The following SORBS2 variants were observed in gnomAD, a reference collection of about 807,000 sequenced individuals.
SORBS2 encodes sorbin and SH3 domain-containing protein 2.
SORBS2 carries 46 observed loss-of-function variants against 97.7 expected under a neutral mutation model. The observed-to-expected ratio is 0.47, with a 90% CI of 0.37 to 0.60. The LOEUF (loss-of-function observed/expected upper bound fraction) is 0.60, where lower values mean the gene tolerates loss of function less well. SORBS2 is among the 20% of genes least tolerant of loss of function. The probability of loss-of-function intolerance (pLI) is 0.00; values close to 1 mark genes in which losing one functional copy is unlikely to be tolerated. For missense variants in SORBS2, 1,316 were observed against 1,282.3 expected, an observed-to-expected ratio of 1.03 and a Z score of -0.40; for synonymous variants, 476 against 473.4, an observed-to-expected ratio of 1.01 and a Z score of -0.07.
At chr4:185,614,313 A>G (rs1489635440) in intron 11 of SORBS2, among the ~76,000 whole-genome samples, 1 of 151,802 alleles carries the variant, frequency 6.6e-6, no homozygotes, top group East Asian at 1.9e-4. Context: ...CTGCTAGAGA[A>G]ATTTGGGTCA....
intron 1 of SORBS2, among the ~76,000 whole-genome samples, chr4:185,925,403 T>C (rs1217675266): frequency 1.4e-5 from 2 of 144,608 alleles, no homozygotes; most frequent in Non-Finnish European, 3.2e-5. Context: ...TTTTACAAAA[T>C]AGCACATTTT....
At chr4:185,947,294 A>G (rs1175734869) in intron 1 of SORBS2, among the ~76,000 whole-genome samples, 1 of 152,238 alleles carries the variant, frequency 6.6e-6, no homozygotes, top group Non-Finnish European at 1.5e-5. Flanking sequence ...CAATGAGTTT[A>G]GCAGGGAACG....
At chr4:185,886,399 C>CA (rs1435134275) in intron 1 of SORBS2, among the ~76,000 whole-genome samples, 2 of 151,548 alleles carry the variant, frequency 1.3e-5, no homozygotes, top group African/African-American at 4.8e-5. Context: ...ACTAAAAATA[C>CA]AAAAAATTAG....
At chr4:185,749,384 C>T (rs1353735304) in intron 2 of SORBS2, among the ~76,000 whole-genome samples, 1 of 152,204 alleles carries the variant, frequency 6.6e-6, no homozygotes, top group Non-Finnish European at 1.5e-5. Flanking sequence ...TTCCTGCCTT[C>T]TTGATATCCC....
At chr4:185,847,979 A>C (rs1267475594) in intron 1 of SORBS2, among the ~76,000 whole-genome samples, 1 of 152,126 alleles carries the variant, frequency 6.6e-6, no homozygotes. Flanking sequence ...ACCTGGCCTG[A>C]ATTGTGGGAT....
chr4:185,665,884 C>T lies in SORBS2; in HGVS notation c.-45-3642G>A, dbSNP rs575636496. 123 of 1,186,808 alleles carry T rather than the reference C, an allele frequency of 1.0e-4. No homozygotes were observed. The African/African-American group carries it at 1.6e-3, about 16-fold the overall frequency. 73.5% of individuals were successfully genotyped at this position (1,186,808 alleles called of 1,614,324 possible). On this transcript the variant is annotated intron_variant, in intron 4 of 20. Coordinates refer to the SORBS2 transcript ENST00000284776. ...GGCTGTGGAGGACTCACTCTCCGAGCGGGAGGAGTGCTCGGCCAGGGAGGA... is the reference window on the plus strand; with the variant it reads ...GGCTGTGGAGGACTCACTCTCCGAGTGGGAGGAGTGCTCGGCCAGGGAGGA...
intron 1 of SORBS2, among the ~76,000 whole-genome samples, chr4:185,950,207 G>A (rs1226161801): frequency 6.6e-6 from 1 of 151,090 alleles, no homozygotes; most frequent in Non-Finnish European, 1.5e-5. Context: ...AGCCGAGATT[G>A]TGCCATTGCA....
chr4:185,825,773 C>T (rs78821119), intron 1 of SORBS2, among the ~76,000 whole-genome samples: 2,310 of 152,274 alleles, frequency 0.015, 31 homozygotes, highest in East Asian at 0.046. Flanking sequence ...GAACATCTAA[C>T]TACAGAGTCA....
At chr4:185,884,601 A>C (rs574683373) in intron 1 of SORBS2, among the ~76,000 whole-genome samples, 1 of 152,206 alleles carries the variant, frequency 6.6e-6, no homozygotes, top group Admixed American at 6.5e-5. Context: ...ATTTCCATCA[A>C]CTTGGCCTTT....
chr4:185,756,086 C>T (rs1176486358), intron 2 of SORBS2, among the ~76,000 whole-genome samples: 1 of 152,230 alleles, frequency 6.6e-6, no homozygotes, highest in Admixed American at 6.5e-5. Context: ...GTGATCTGGA[C>T]TGGTGGTTGG....
chr4:185,618,224 C>T (rs1446007013), intron 9 of SORBS2, among the ~76,000 whole-genome samples: 1 of 152,234 alleles, frequency 6.6e-6, no homozygotes, highest in Non-Finnish European at 1.5e-5. Flanking sequence ...ATCTGCCTGC[C>T]TTGGCCTCCC....
intron 8 of SORBS2, among the ~76,000 whole-genome samples, chr4:185,619,297 A>G (rs1240235803): frequency 6.6e-6 from 1 of 152,152 alleles, no homozygotes; most frequent in Non-Finnish European, 1.5e-5. Context: ...ATAGCTAGCT[A>G]GGCCAGCTCT....
intron 2 of SORBS2, among the ~76,000 whole-genome samples, chr4:185,731,889 T>C (rs1562182768): frequency 1.9e-5 from 2 of 103,110 alleles, no homozygotes; most frequent in South Asian, 6.3e-4. Flanking sequence ...TATATATATA[T>C]ATATATATAT....
chr4:185,640,805 T>G (rs1035511544), intron 4 of SORBS2, among the ~76,000 whole-genome samples: 6 of 152,224 alleles, frequency 3.9e-5, no homozygotes, highest in African/African-American at 1.2e-4. Flanking sequence ...GTAATTTCTC[T>G]TCTGTTTAGA....
intron 2 of SORBS2, among the ~76,000 whole-genome samples, chr4:185,768,698 C>CAAAAAAAAAAAAAAAAAA (rs1207578871): frequency 2.4e-5 from 2 of 84,798 alleles, no homozygotes; most frequent in Middle Eastern, 5.9e-3. Flanking sequence ...GACTCTGTCT[C>CAAAAAAAAAAAAAAAAAA]AAAAAAAAAA....
chr4:185,753,835 C>T, intron 2 of SORBS2, among the ~76,000 whole-genome samples: 1 of 152,148 alleles, frequency 6.6e-6, no homozygotes, highest in Non-Finnish European at 1.5e-5. Flanking sequence ...CCCCTGAATG[C>T]TTATACACTG....
chr4:185,634,638 C>G (rs561407319), intron 4 of SORBS2, among the ~76,000 whole-genome samples: 2 of 152,184 alleles, frequency 1.3e-5, no homozygotes, highest in African/African-American at 4.8e-5. Flanking sequence ...TTCTCTCTTT[C>G]AAATAAAACT....
chr4:185,617,984 C>CT (rs1349828186), intron 9 of SORBS2, among the ~76,000 whole-genome samples: 3 of 151,984 alleles, frequency 2.0e-5, no homozygotes, highest in Non-Finnish European at 2.9e-5. Context: ...CTTATTCATT[C>CT]TTTTTTTTGA....
At chr4:185,827,336 T>C (rs138966500) in intron 1 of SORBS2, among the ~76,000 whole-genome samples, 12,606 of 19,450 alleles carry the variant, frequency 0.65, 3,314 homozygotes, top group East Asian at 0.88. Flanking sequence ...ATCATCATCA[T>C]CATCATCATC....
Sources: allele counts gnomAD v4.1 joint callset (sites outside exome capture counted in the v4.1 genomes callset), GRCh38; gene constraint gnomAD v4.1.1; transcripts MANE v1.5; gene names NCBI Gene and HGNC (gene_info 2026-07-23, HGNC 2026-07-21).